GPR39: variants seen among roughly 807,000 people sequenced by gnomAD.
The protein encoded by GPR39 is G protein-coupled receptor 39, also known as zinc sensing receptor.
A neutral mutation model predicts 18.4 loss-of-function variants in GPR39; 23 were observed. The observed-to-expected ratio is 1.25, with a 90% CI of 0.90 to 1.77. The LOEUF is 1.77. GPR39 is among the 40% of genes most tolerant of loss of function. The probability of loss-of-function intolerance (pLI) is 0.00; values close to 1 mark genes in which losing one functional copy is unlikely to be tolerated. For missense variants in GPR39, 647 were observed against 602.4 expected (o/e 1.07, Z -0.78); for synonymous variants, 280 against 257.9 (o/e 1.09, Z -0.82).
intron 1 of GPR39, among the ~76,000 whole-genome samples, chr2:132,521,830 A>C (rs975713994): frequency 1.3e-5 from 2 of 152,118 alleles, no homozygotes; most frequent in Admixed American, 6.5e-5. Flanking sequence ...TTTTTAATGT[A>C]CTGTGTCTTC....
chr2:132,538,504 T>G (rs1679801452), intron 1 of GPR39, among the ~76,000 whole-genome samples: 1 of 152,210 alleles, frequency 6.6e-6, no homozygotes, highest in Non-Finnish European at 1.5e-5. Flanking sequence ...TGGGAGGTCT[T>G]TCCCAGTCAG....
At chr2:132,418,079 C>G (rs1343445027) in intron 1 of GPR39, among the ~76,000 whole-genome samples, 181 bp downstream of exon 1, 2 of 152,190 alleles carry the variant, frequency 1.3e-5, no homozygotes, top group Non-Finnish European at 2.9e-5. Flanking sequence ...AATGTTTCTT[C>G]TCTGTGTTTC....
intron 1 of GPR39, among the ~76,000 whole-genome samples, chr2:132,461,651 A>G (rs1427201059): frequency 6.6e-6 from 1 of 152,190 alleles, no homozygotes; most frequent in African/African-American, 2.4e-5. Flanking sequence ...CTGTTTTCAT[A>G]TAGCTTTTTG....
At chr2:132,627,564 A>G (rs1375712334) in intron 1 of GPR39, among the ~76,000 whole-genome samples, 3 of 152,194 alleles carry the variant, frequency 2.0e-5, no homozygotes, top group African/African-American at 4.8e-5. Context: ...CGATTTTGCA[A>G]TCAATGAAAA....
intron 1 of GPR39, among the ~76,000 whole-genome samples, chr2:132,456,947 A>G (rs932579871): frequency 1.2e-4 from 19 of 152,162 alleles, no homozygotes; most frequent in Admixed American, 1.0e-3. Flanking sequence ...GAATCTGACA[A>G]TTATGTGTCT....
rs145585080 is a variant in GPR39, at chr2:132,470,654, G to C, written c.856+52756G>C. Among the ~76,000 whole-genome samples the C allele has an allele frequency of 3.0e-3, 461 of 152,158 alleles. 1 individual carries two copies. Among genetic ancestry groups the C allele is most frequent in the African/African-American group, 0.01 (429 of 41,502 alleles). On this transcript the variant is annotated intron_variant, in intron 1 of 1. Coordinates refer to ENST00000329321, the MANE Select transcript of GPR39 (RefSeq NM_001508.3). ...ATGAAAATAGACGATCCAGTAAAAT[G>C]AGGAAAATGTATAGATCCAGTTGTA...
chr2:132,417,449 C>T lies in GPR39; in HGVS notation c.407C>T (p.Ala136Val), dbSNP rs1679926747. 2 of 1,614,178 alleles carry T rather than the reference C, an allele frequency of 1.2e-6. No homozygotes were observed. The highest frequency in any genetic ancestry group is 1.7e-5 in the Admixed American group (1 of 60,024). The change falls in exon 1 of 2, where the codon GCC becomes GTC. Residue 136 changes from alanine (A) to valine (V), a missense_variant. Ala to Val is a moderately conservative substitution (Grantham distance 64). This residue lies in a region of GPR39 where 581 missense variants were observed against 506.8 expected (regional missense o/e 1.15). Transcript: ENST00000329321. The stretch of plus-strand genomic sequence containing the variant: ...ACACTCAGCTTTGAGCGCTACATCG[C>T]CATCTGTCACCCCTTCAGGTACAAG... ...VLTLSFERYI[A>V]ICHPFRYKAV...
In GPR39 at chr2:132,645,857, T is replaced by G; in HGVS notation, c.*251T>G. ...CTTCAAGTACATACTGAAAATTCAGTCAGGCTGAATTTATTCAGAATGCTT... is the reference window on the plus strand; with the variant it reads ...CTTCAAGTACATACTGAAAATTCAGGCAGGCTGAATTTATTCAGAATGCTT... On this transcript the variant is annotated 3_prime_UTR_variant, in exon 2 of 2. Coordinates refer to ENST00000329321, the MANE Select transcript of GPR39 (RefSeq NM_001508.3). The G allele has an allele frequency of 4.5e-6, 3 of 665,956 alleles. No individual in the cohort carries two copies. The highest frequency in any genetic ancestry group is 5.0e-6 in the Non-Finnish European group (2 of 403,370). 41.3% of individuals were successfully genotyped at this position (665,956 alleles called of 1,614,324 possible).
intron 1 of GPR39, among the ~76,000 whole-genome samples, chr2:132,508,422 GTGCCTGAGCTCTA>G (rs1679175594): frequency 6.6e-6 from 1 of 152,158 alleles, no homozygotes; most frequent in East Asian, 1.9e-4. Flanking sequence ...TTCTGAGGTC[GTGCCTGAGCTCTA>G]GCTGGGTGGG....
chr2:132,505,754 G>A (rs576132844), intron 1 of GPR39, among the ~76,000 whole-genome samples: 2 of 152,258 alleles, frequency 1.3e-5, no homozygotes, highest in African/African-American at 4.8e-5. Context: ...TGGCCATATA[G>A]TAATCCATTG....
At chr2:132,632,489 G>A (rs1573709178) in intron 1 of GPR39, among the ~76,000 whole-genome samples, 1 of 152,156 alleles carries the variant, frequency 6.6e-6, no homozygotes, top group East Asian at 1.9e-4. Flanking sequence ...TTGCGACTCA[G>A]AAAGCATTGG....
At chr2:132,642,701 C>G (rs1265102419) in intron 1 of GPR39, among the ~76,000 whole-genome samples, 4 of 152,210 alleles carry the variant, frequency 2.6e-5, no homozygotes, top group Non-Finnish European at 5.9e-5. Flanking sequence ...CTATGTTCAG[C>G]TCATGGTTAG....
chr2:132,542,015 G>A (rs1431101198), intron 1 of GPR39, among the ~76,000 whole-genome samples: 3 of 152,078 alleles, frequency 2.0e-5, no homozygotes, highest in African/African-American at 7.2e-5. Context: ...GCTCACTGGG[G>A]CCTCTTCTAT....
At chr2:132,603,327 G>C (rs904587855) in intron 1 of GPR39, among the ~76,000 whole-genome samples, 3 of 152,134 alleles carry the variant, frequency 2.0e-5, no homozygotes, top group Non-Finnish European at 2.9e-5. Flanking sequence ...AAAAAAAATT[G>C]ACATCATAGA....
chr2:132,488,257 A>C lies in GPR39; in HGVS notation c.856+70359A>C, dbSNP rs142188279. Among the ~76,000 whole-genome samples the C allele has an allele frequency of 2.6e-3, 395 of 152,316 alleles. 3 individuals carry two copies. The highest frequency in any genetic ancestry group is 9.5e-3 in the African/African-American group (393 of 41,566). ...TGAAGTTCTTCAACATCTCAACTTG[A>C]CCAGATATAAAACAATTTTAAAACC... On this transcript the variant is annotated intron_variant, in intron 1 of 1. Transcript: ENST00000329321.
chr2:132,417,396 C>A lies in GPR39; in HGVS notation c.354C>A (p.Cys118Ter), dbSNP rs538233391. The A allele has an allele frequency of 6.2e-7, 1 of 1,614,210 alleles. No individual in the cohort carries two copies. Among genetic ancestry groups the A allele is most frequent in the East Asian group, 2.2e-5 (1 of 44,874 alleles). Residue 118 changes from cysteine to a stop codon, truncating the protein, a stop_gained, in exon 1 of 2, where the codon TGC becomes TGA. Coordinates refer to ENST00000329321, the MANE Select transcript of GPR39 (RefSeq NM_001508.3). LOFTEE classifies it high-confidence loss of function. ...TGCACACTTTCCTCTTCGAGGCCTG[C>A]AGCTACGCTACGCTGCTGCACGTGC... ...CKLHTFLFEA[C>*]SYATLLHVLT...
At chr2:132,496,727 C>G (rs1289076875) in intron 1 of GPR39, among the ~76,000 whole-genome samples, 2 of 152,186 alleles carry the variant, frequency 1.3e-5, no homozygotes, top group African/African-American at 4.8e-5. Flanking sequence ...TCCACTTTCC[C>G]CCATGTGGCT....
intron 1 of GPR39, among the ~76,000 whole-genome samples, chr2:132,444,070 C>A (rs752692991): frequency 2.6e-5 from 4 of 151,966 alleles, no homozygotes; most frequent in Non-Finnish European, 5.9e-5. Context: ...GTGAGACCCT[C>A]TCTCAAAAAA....
At chr2:132,538,267 T>C (rs573420883) in intron 1 of GPR39, among the ~76,000 whole-genome samples, 5 of 152,280 alleles carry the variant, frequency 3.3e-5, no homozygotes, top group African/African-American at 1.2e-4. Flanking sequence ...GATGTTGTTA[T>C]TGTTGCTTTG....
Sources: allele counts gnomAD v4.1 joint callset (sites outside exome capture counted in the v4.1 genomes callset), GRCh38; gene constraint gnomAD v4.1.1; regional missense constraint gnomAD v4.1.1; transcripts MANE v1.5; gene names NCBI Gene and HGNC (gene_info 2026-07-23, HGNC 2026-07-21).